Variants in PRKCA observed in about 807,000 individuals in gnomAD.
PRKCA encodes protein kinase C alpha.
In PRKCA, 27 loss-of-function variants were observed where a neutral mutation model predicts 87.0. The observed-to-expected ratio is 0.31, with a 90% CI of 0.23 to 0.43. The LOEUF is 0.43. Ranked by LOEUF, PRKCA falls within the 20% of genes least tolerant of loss-of-function variation. PRKCA has a pLI of 1.00. For synonymous variants in PRKCA, 329 were observed against 311.1 expected, an observed-to-expected ratio of 1.06 and a Z score of -0.61; for missense variants, 518 against 852.3, an observed-to-expected ratio of 0.61 and a Z score of 4.88.
intron 3 of PRKCA, among the ~76,000 whole-genome samples, chr17:66,580,615 A>G (rs1201307360): frequency 4.6e-5 from 7 of 152,210 alleles, no homozygotes; most frequent in Admixed American, 2.0e-4. Flanking sequence ...CCGTGTTTTT[A>G]TATAAACTTT....
At chr17:66,389,832 A>G (rs9915241) in intron 2 of PRKCA, among the ~76,000 whole-genome samples, 87,359 of 152,210 alleles carry the variant, frequency 0.57, 25,682 homozygotes, top group Non-Finnish European at 0.65. Flanking sequence ...CTTTTTAAGA[A>G]AGAGATAGAA....
intron 16 of PRKCA, among the ~76,000 whole-genome samples, chr17:66,794,625 T>TTG (rs1230386467): frequency 3.9e-5 from 4 of 102,846 alleles, no homozygotes; most frequent in African/African-American, 1.3e-4. Context: ...GGGTTTTTTG[T>TTG]TTTTTTTTTT....
At chr17:66,384,328 T>C (rs1245283155) in intron 2 of PRKCA, among the ~76,000 whole-genome samples, 1 of 152,158 alleles carries the variant, frequency 6.6e-6, no homozygotes, top group African/African-American at 2.4e-5. Context: ...ACTTTTTCAG[T>C]GGCAAACCTG....
chr17:66,712,109 T>A (rs1598890593), intron 8 of PRKCA, among the ~76,000 whole-genome samples: 1 of 152,110 alleles, frequency 6.6e-6, no homozygotes, highest in Non-Finnish European at 1.5e-5. Context: ...TGGCCACACC[T>A]GAATACACTG....
At chr17:66,344,326 G>GT (rs1251061692) in intron 2 of PRKCA, among the ~76,000 whole-genome samples, 10 of 152,136 alleles carry the variant, frequency 6.6e-5, no homozygotes, top group South Asian at 2.1e-4. Context: ...TTATTTTTAT[G>GT]TTTTTTTGAC....
rs556181866 is a variant in PRKCA at position 66,532,428 on chromosome 17, C to T, written c.288+36145C>T. ...TCACCCAGGGTGGAGTGCAGTGGTG[C>T]GATCTTGGCTCACTGCAGCTTCCGC... is the stretch of plus-strand genomic sequence containing the variant. On this transcript the variant is annotated intron_variant, in intron 3 of 16. Transcript: ENST00000413366. Among the ~76,000 whole-genome samples, 169 of 151,230 alleles carry T rather than the reference C, an allele frequency of 1.1e-3. 1 individual carries two copies. Among genetic ancestry groups the T allele is most frequent in the African/African-American group, 3.9e-3 (160 of 41,210 alleles).
rs200711866 is a variant in PRKCA at position 66,765,214 on chromosome 17, G to C, written c.1525-8773G>C. Among the ~76,000 whole-genome samples the C allele has an allele frequency of 2.0e-5, 3 of 151,808 alleles. No homozygotes were observed. In the East Asian group the frequency reaches 5.8e-4, roughly 29 times the overall value. On this transcript the variant is annotated intron_variant, in intron 13 of 16. Transcript: ENST00000413366. ...AGATCACCTGAGATCAGGAGTTCAAGACCATCCTGGCCAACATGGTGAAAC... is the reference window on the plus strand; with the variant it reads ...AGATCACCTGAGATCAGGAGTTCAACACCATCCTGGCCAACATGGTGAAAC...
chr17:66,707,091 T>C (rs1435862809), intron 8 of PRKCA, among the ~76,000 whole-genome samples: 7 of 152,238 alleles, frequency 4.6e-5, no homozygotes, highest in Middle Eastern at 3.4e-3. Context: ...TGACACCCCC[T>C]TTTCTGACTC....
chr17:66,578,892 G>A (rs997283979), intron 3 of PRKCA, among the ~76,000 whole-genome samples: 11 of 152,208 alleles, frequency 7.2e-5, no homozygotes, highest in South Asian at 6.2e-4. Flanking sequence ...TTCGACCTGT[G>A]GGTGGCTCCC....
intron 2 of PRKCA, among the ~76,000 whole-genome samples, chr17:66,418,679 T>C (rs919699987): frequency 6.6e-6 from 1 of 152,052 alleles, no homozygotes; most frequent in African/African-American, 2.4e-5. Flanking sequence ...TCAAGTGATC[T>C]TCCAGCCCCA....
At chr17:66,478,630 A>G (rs1567849603) in intron 2 of PRKCA, among the ~76,000 whole-genome samples, 1 of 152,194 alleles carries the variant, frequency 6.6e-6, no homozygotes, top group Non-Finnish European at 1.5e-5. Context: ...TGTTATGAAC[A>G]TTGCTCTAAA....
chr17:66,353,029 A>G (rs1209789880), intron 2 of PRKCA, among the ~76,000 whole-genome samples: 1 of 152,146 alleles, frequency 6.6e-6, no homozygotes, highest in Non-Finnish European at 1.5e-5. Context: ...TAGTCTGTCA[A>G]GAGTTATTGC....
rs79936846 is a variant in PRKCA, at chr17:66,333,589, G to C, written c.205+27462G>C. On this transcript the variant is annotated intron_variant, in intron 2 of 16. Transcript: ENST00000413366. ...AGTTTTCAAGTTCTGTCAGGGGAGAGAACCTCTTATTCCCCATGCCCTGTG... is the reference window on the plus strand; with the variant it reads ...AGTTTTCAAGTTCTGTCAGGGGAGACAACCTCTTATTCCCCATGCCCTGTG... Among the ~76,000 whole-genome samples, 1,418 of 152,218 alleles carry C rather than the reference G, an allele frequency of 9.3e-3. 26 individuals carry two copies. Among genetic ancestry groups the C allele is most frequent in the African/African-American group, 0.033 (1,367 of 41,532 alleles).
At chr17:66,382,324 CAG>C (rs147896615) in intron 2 of PRKCA, among the ~76,000 whole-genome samples, 2,799 of 152,250 alleles carry the variant, frequency 0.018, 41 homozygotes, top group Non-Finnish European at 0.028. Context: ...TTTATTTAGA[CAG>C]AGTCTCACTC....
intron 2 of PRKCA, among the ~76,000 whole-genome samples, chr17:66,420,620 T>G (rs1446183558): frequency 6.6e-6 from 1 of 152,130 alleles, no homozygotes; most frequent in Admixed American, 6.5e-5. Flanking sequence ...ACGGTTAAGG[T>G]AGGCTCGGCT....
At chr17:66,445,150 C>T (rs932328539) in intron 2 of PRKCA, among the ~76,000 whole-genome samples, 2 of 152,206 alleles carry the variant, frequency 1.3e-5, no homozygotes, top group African/African-American at 2.4e-5. Flanking sequence ...AGCTATCCCC[C>T]CTACGGTGGG....
chr17:66,479,690 T>G (rs1486330622), intron 2 of PRKCA, among the ~76,000 whole-genome samples: 1 of 152,186 alleles, frequency 6.6e-6, no homozygotes, highest in Admixed American at 6.5e-5. Flanking sequence ...AGGAACGAGA[T>G]CATGTCCTTT....
chr17:66,661,610 G>T (rs1971906006), intron 5 of PRKCA, among the ~76,000 whole-genome samples: 1 of 152,160 alleles, frequency 6.6e-6, no homozygotes, highest in African/African-American at 2.4e-5. Flanking sequence ...ACAGCCAAGG[G>T]TAAAGAAAAA....
At chr17:66,437,720 C>CTTTTTTTT (rs567333890) in intron 2 of PRKCA, among the ~76,000 whole-genome samples, 27,082 of 32,806 alleles carry the variant, frequency 0.83, 12,543 homozygotes, top group Non-Finnish European at 0.87. Flanking sequence ...TTCAAGTTTC[C>CTTTTTTTT]TTTTTTTTTT....
Sources: allele counts gnomAD v4.1 joint callset (sites outside exome capture counted in the v4.1 genomes callset), GRCh38; gene constraint gnomAD v4.1.1; transcripts MANE v1.5; gene names NCBI Gene and HGNC (gene_info 2026-07-23, HGNC 2026-07-21).